Variants in SLC24A2 observed in about 807,000 individuals in gnomAD.
The protein encoded by SLC24A2 is sodium/potassium/calcium exchanger 2.
A neutral mutation model predicts 62.0 loss-of-function variants in SLC24A2; 36 were observed. The ratio of observed to expected loss-of-function variants is 0.58; its 90% confidence interval spans 0.44 to 0.77. The LOEUF is 0.77. Ranked by LOEUF, SLC24A2 falls within the 30% of genes least tolerant of loss-of-function variation. The pLI is 0.00. For missense variants in SLC24A2, 846 were observed against 817.9 expected (o/e 1.03, Z -0.42); for synonymous variants, 358 against 294.0 (o/e 1.22, Z -2.23).
rs549843674 is a variant in SLC24A2 at position 19,556,059 on chromosome 9, G to A, written c.1348-5791C>T. 5.3e-5 allele frequency among the ~76,000 whole-genome samples: 8 copies of A among 152,226 alleles called. No homozygotes were observed. In the East Asian group the frequency reaches 5.8e-4, roughly 11 times the overall value. On this transcript the variant is annotated intron_variant, in intron 7 of 10. Coordinates refer to ENST00000341998, the MANE Select transcript of SLC24A2 (RefSeq NM_020344.4). ...ACCGAACATTGAAATCTGGAGGCTC[G>A]GCCATCAGAACTCTTACACAGCACA...
intron 2 of SLC24A2, among the ~76,000 whole-genome samples, chr9:19,646,385 T>C (rs545174321): frequency 1.3e-5 from 2 of 152,290 alleles, no homozygotes; most frequent in African/African-American, 4.8e-5. Context: ...ACTGGTATCC[T>C]CCTCAGCAGC....
chr9:19,636,315 T>TTTTCTTTTCTTTTTC lies in SLC24A2; in HGVS notation c.931-14017_931-14016insGAAAAAGAAAAGAAA. 5.0e-5 allele frequency among the ~76,000 whole-genome samples: 2 copies of TTTTCTTTTCTTTTTC among 40,320 alleles called. 1 individual carries two copies. Among genetic ancestry groups the TTTTCTTTTCTTTTTC allele is most frequent in the South Asian group, 1.9e-3 (2 of 1,040 alleles). 26.5% of individuals were successfully genotyped at this position (40,320 alleles called of 152,430 possible). A position where few individuals can be genotyped will look rare whatever the true frequency, so the allele number is the denominator to read the frequency against. ...TTTTCTTTTCTTTTCTTTTCTTTTC[T>TTTTCTTTTCTTTTTC]TTTCTTTCTTTCTTTCTTTCTTTCT... is the stretch of plus-strand genomic sequence containing the variant. On this transcript the variant is annotated intron_variant, in intron 2 of 10. Transcript: ENST00000341998.
chr9:20,159,189 T>C, the SLC24A2 span, among the ~76,000 whole-genome samples: 4 of 151,682 alleles, frequency 2.6e-5, no homozygotes, highest in Non-Finnish European at 5.9e-5. Context: ...TGCAGTAATA[T>C]GTGGAATATC....
the SLC24A2 span, among the ~76,000 whole-genome samples, chr9:19,909,587 G>A: frequency 3.9e-5 from 6 of 152,210 alleles, no homozygotes; most frequent in African/African-American, 7.2e-5. Context: ...AGGAATATAT[G>A]AGGGAACTAA....
At chr9:20,292,501 A>G in the SLC24A2 span, among the ~76,000 whole-genome samples, 1 of 152,208 alleles carries the variant, frequency 6.6e-6, no homozygotes, top group Non-Finnish European at 1.5e-5. Context: ...AAACATACTG[A>G]TTCTCCCTTA....
At chr9:19,740,260 C>T (rs188388378) in intron 2 of SLC24A2, among the ~76,000 whole-genome samples, 2 of 152,002 alleles carry the variant, frequency 1.3e-5, no homozygotes, top group East Asian at 1.9e-4. Context: ...CAAGTGTGTA[C>T]CAAAAGACAT....
At chr9:20,263,721 A>T in the SLC24A2 span, among the ~76,000 whole-genome samples, 2 of 152,162 alleles carry the variant, frequency 1.3e-5, no homozygotes, top group East Asian at 3.9e-4. Flanking sequence ...CACTAACTTT[A>T]CCCTATAGTA....
chr9:19,820,285 G>A, the SLC24A2 span, among the ~76,000 whole-genome samples: 1 of 149,614 alleles, frequency 6.7e-6, no homozygotes, highest in African/African-American at 2.5e-5. Flanking sequence ...GGGTTTGGGG[G>A]GAAGAGTGGG....
chr9:19,763,050 G>T (rs921003593), intron 2 of SLC24A2, among the ~76,000 whole-genome samples: 1 of 151,988 alleles, frequency 6.6e-6, no homozygotes, highest in Admixed American at 6.6e-5. Context: ...CTTGTAAGTT[G>T]TATTCCTAGG....
the SLC24A2 span, among the ~76,000 whole-genome samples, chr9:19,875,089 T>A: frequency 6.6e-6 from 1 of 151,520 alleles, no homozygotes; most frequent in Non-Finnish European, 1.5e-5. Flanking sequence ...ATGCCTTCAA[T>A]GGAAAGTTTA....
In SLC24A2 at chr9:19,510,313, G is replaced by T. The variant is rs1014949280; in HGVS notation, c.*5840C>A. On this transcript the variant is annotated 3_prime_UTR_variant, in exon 11 of 11. Coordinates refer to ENST00000341998, the MANE Select transcript of SLC24A2 (RefSeq NM_020344.4). ...AGGAACTATAAAAATTATTAAGAGG[G>T]TTAAAGACTCAAATAAAAATCTAAA... 1.2e-4 allele frequency: 18 copies of T among 151,768 alleles called. No individual in the cohort carries two copies. Among genetic ancestry groups the T allele is most frequent in the African/African-American group, 4.1e-4 (17 of 41,372 alleles). 9.4% of individuals were successfully genotyped at this position (151,768 alleles called of 1,614,324 possible).
chr9:19,576,993 G>A lies in SLC24A2; in HGVS notation c.1159C>T (p.His387Tyr). 1.2e-6 allele frequency: 2 copies of A among 1,614,102 alleles called. No individual in the cohort carries two copies. The highest frequency in any genetic ancestry group is 2.2e-5 in the South Asian group (2 of 91,078). Residue 387 changes from histidine to tyrosine, a missense_variant, in exon 6 of 11, where the codon CAC (histidine) becomes TAC (tyrosine). His to Tyr is a moderately conservative substitution (Grantham distance 83, BLOSUM62 2). Transcript: ENST00000341998. Reference protein sequence around the residue: ...GRFREKASILHKIAKKKCHVD... With the variant: ...GRFREKASILYKIAKKKCHVD... ...TGACATTTCTTCTTGGCGATCTTGT[G>A]GAGAATTGAAGCCTTTTCTCTGAAC...
chr9:20,299,365 G>A, the SLC24A2 span, among the ~76,000 whole-genome samples: 147 of 152,326 alleles, frequency 9.7e-4, 1 homozygote, highest in Non-Finnish European at 2.5e-4. Flanking sequence ...ATACACTAAG[G>A]GTGGTCCCAA....
the SLC24A2 span, among the ~76,000 whole-genome samples, chr9:20,269,789 G>C: frequency 6.6e-6 from 1 of 151,972 alleles, no homozygotes; most frequent in South Asian, 2.1e-4. Context: ...TGTTCCTTTT[G>C]TTTTTTATCT....
the SLC24A2 span, among the ~76,000 whole-genome samples, chr9:20,023,188 T>A: frequency 6.6e-6 from 1 of 152,212 alleles, no homozygotes. Flanking sequence ...AGTGAGTACA[T>A]GGAAATAAAA....
At chr9:20,049,098 A>T in the SLC24A2 span, among the ~76,000 whole-genome samples, 51 of 152,180 alleles carry the variant, frequency 3.4e-4, no homozygotes, top group African/African-American at 1.1e-3. Flanking sequence ...TTAAAGAGCA[A>T]CTATATATGG....
At chr9:20,189,805 C>T in the SLC24A2 span, among the ~76,000 whole-genome samples, 1 of 137,456 alleles carries the variant, frequency 7.3e-6, no homozygotes, top group Admixed American at 7.7e-5. Context: ...TATGATCCCC[C>T]TGGAAGAGGT....
At chr9:20,164,293 AC>A in the SLC24A2 span, among the ~76,000 whole-genome samples, 1 of 151,940 alleles carries the variant, frequency 6.6e-6, no homozygotes, top group Non-Finnish European at 1.5e-5. Flanking sequence ...CAAGAAAAAA[AC>A]AAACAACCCC....
the SLC24A2 span, among the ~76,000 whole-genome samples, chr9:19,903,526 T>C: frequency 4.6e-5 from 7 of 152,144 alleles, no homozygotes; most frequent in Non-Finnish European, 8.8e-5. Context: ...GAGGCATAAC[T>C]CAGGATATGG....
Sources: allele counts gnomAD v4.1 joint callset (sites outside exome capture counted in the v4.1 genomes callset), GRCh38; gene constraint gnomAD v4.1.1; transcripts MANE v1.5; gene names NCBI Gene and HGNC (gene_info 2026-07-23, HGNC 2026-07-21).